Variants in TBC1D8B observed in about 807,000 individuals in gnomAD.
TBC1D8B encodes the protein TBC1 domain family member 8B.
In TBC1D8B, 75 loss-of-function variants were observed where a neutral mutation model predicts 82.9. That is an observed-to-expected ratio of 0.90 (90% CI 0.75 to 1.10). The LOEUF (loss-of-function observed/expected upper bound fraction) is 1.10, where lower values mean the gene tolerates loss of function less well. Ranked by LOEUF, TBC1D8B falls within the 50% of genes least tolerant of loss-of-function variation. TBC1D8B has a pLI of 0.00. For synonymous variants in TBC1D8B, 276 were observed against 276.8 expected, an observed-to-expected ratio of 1.00 and a Z score of 0.03; for missense variants, 794 against 796.9, an observed-to-expected ratio of 1.00 and a Z score of 0.04.
intron 14 of TBC1D8B, among the ~76,000 whole-genome samples, chrX:106,862,456 T>A (rs1226548123): frequency 8.9e-6 from 1 of 111,919 alleles, no homozygotes; most frequent in Non-Finnish European, 1.9e-5. Flanking sequence ...TCAGTTTGAT[T>A]CTTTCTTAAA....
chrX:106,814,320 G>T (rs1370576608), intron 1 of TBC1D8B: 1 of 105,038 alleles, frequency 9.5e-6, no homozygotes, highest in Non-Finnish European at 1.9e-5. Context: ...ATAAACATAC[G>T]TGTGCATGTG....
At chrX:106,851,414 CT>C (rs1012346086) in intron 12 of TBC1D8B, among the ~76,000 whole-genome samples, 6 of 111,690 alleles carry the variant, frequency 5.4e-5, no homozygotes, top group African/African-American at 2.0e-4. Flanking sequence ...AGTTCCACTT[CT>C]TTTTTTGTTA....
intron 1 of TBC1D8B, chrX:106,818,308 C>T (rs951038405): frequency 1.7e-5 from 2 of 120,042 alleles, no homozygotes; most frequent in African/African-American, 6.4e-5. Context: ...ACACAAGCGA[C>T]AGAGCCAGAA....
intron 9 of TBC1D8B, 70 bp from the exon 10 acceptor site, chrX:106,840,600 T>C (rs1932280754): frequency 3.1e-6 from 3 of 953,394 alleles, no homozygotes; most frequent in African/African-American, 3.8e-5. Flanking sequence ...AATCCAATTA[T>C]TTATGTATAT....
chrX:106,856,744 A>G (rs1052217583), intron 14 of TBC1D8B, among the ~76,000 whole-genome samples: 4 of 111,694 alleles, frequency 3.6e-5, no homozygotes, highest in Non-Finnish European at 7.5e-5. Context: ...ATTCATTTTA[A>G]CAGTCTGTCT....
chrX:106,869,991 G>C (rs1329828818), intron 19 of TBC1D8B, among the ~76,000 whole-genome samples: 1 of 112,182 alleles, frequency 8.9e-6, no homozygotes, highest in African/African-American at 3.2e-5. Context: ...GAATGAATAA[G>C]TAGTGTTTCA....
rs780337633 is a variant in TBC1D8B, at chrX:106,823,400, G to T, written c.761G>T (p.Arg254Ile). The change falls in exon 5 of 21, where the codon AGA (arginine) becomes ATA (isoleucine). Residue 254 changes from arginine to isoleucine, a missense_variant. Physicochemically the swap from Arg to Ile is moderately conservative, Grantham distance 97. Coordinates refer to ENST00000357242, the MANE Select transcript of TBC1D8B (RefSeq NM_017752.3). ...MEQLANYAIR[R>I]LFDKETFDND... Reference sequence around the variant, plus strand: ...CAGCTGGCAAACTATGCCATTAGAAGACTTTTTGATAAGGAAACATTTGAT... The same window carrying T: ...CAGCTGGCAAACTATGCCATTAGAATACTTTTTGATAAGGAAACATTTGAT... The T allele has an allele frequency of 8.3e-7, 1 of 1,208,454 alleles. No homozygotes were observed. The highest frequency in any genetic ancestry group is 1.7e-5 in the African/African-American group (1 of 57,155).
rs1039398977 is a variant in TBC1D8B at position 106,850,313 on chromosome X, A to G, written c.2123+3A>G. On this transcript the variant is annotated splice_donor_region_variant and intron_variant, in intron 12 of 20. Coordinates refer to ENST00000357242, the MANE Select transcript of TBC1D8B (RefSeq NM_017752.3). ...GAAGCTGTGACAGCCTTAAACAGGT[A>G]TTGTAAGAACCATAACATTTAAATC... is the stretch of plus-strand genomic sequence containing the variant. 3 of 1,181,806 alleles carry G rather than the reference A, an allele frequency of 2.5e-6. No individual in the cohort carries two copies. Among genetic ancestry groups the G allele is most frequent in the Middle Eastern group, 2.4e-4 (1 of 4,245 alleles).
At position 106,866,799 on chromosome X, in the gene TBC1D8B, A is replaced by G. The variant is rs138093907; in HGVS notation, c.2665A>G (p.Ile889Val). 6.9e-6 allele frequency: 8 copies of G among 1,156,465 alleles called. No homozygotes were observed. The highest frequency in any genetic ancestry group is 9.3e-6 in the Non-Finnish European group (8 of 858,882). The change falls in exon 17 of 21, where the codon ATA becomes GTA. Residue 889 changes from isoleucine to valine, a missense_variant and splice_region_variant. By Grantham distance (29) the Ile-to-Val change is conservative. Transcript: ENST00000357242. The stretch of plus-strand genomic sequence containing the variant: ...TACAATTGAATTTTATTGAACAGAC[A>G]TAATGTACAATGGAAGTTTTACTGA... ...NFKEFSSAIDIMYNGSFTEKL... is the reference protein window; with the variant it reads ...NFKEFSSAIDVMYNGSFTEKL...
intron 5 of TBC1D8B, 61 bp downstream of exon 5, chrX:106,823,527 A>AT: frequency 9.0e-7 from 1 of 1,117,246 alleles, no homozygotes; most frequent in Non-Finnish European, 1.2e-6. Flanking sequence ...TGAAGATAGT[A>AT]TTGCTTACCA....
intron 7 of TBC1D8B, among the ~76,000 whole-genome samples, chrX:106,832,222 A>G (rs1360208823): frequency 2.7e-5 from 3 of 111,618 alleles, no homozygotes; most frequent in Non-Finnish European, 5.7e-5. Flanking sequence ...TGTCAAAGAC[A>G]TTATACAAAG....
rs745819808 is a variant in TBC1D8B, at chrX:106,863,577, C to T, written c.2353-1982C>T. Among the ~76,000 whole-genome samples, 6 of 111,574 alleles carry T rather than the reference C, an allele frequency of 5.4e-5. No homozygotes were observed. In the East Asian group the frequency reaches 1.1e-3, roughly 21 times the overall value. On this transcript the variant is annotated intron_variant, in intron 14 of 20. Transcript: ENST00000357242. ...GGGCACCACCTAAGTCAGAAAGTCCCGCCCAACTGGGAGCTGCGGGAGTGA... is the reference window on the plus strand; with the variant it reads ...GGGCACCACCTAAGTCAGAAAGTCCTGCCCAACTGGGAGCTGCGGGAGTGA...
At chrX:106,811,454 G>A (rs995028600) in intron 1 of TBC1D8B, among the ~76,000 whole-genome samples, 1 of 111,602 alleles carries the variant, frequency 9.0e-6, no homozygotes, top group Non-Finnish European at 1.9e-5. Flanking sequence ...GTTTGAGCCA[G>A]GGATGTGGAG....
chrX:106,809,407 G>T (rs1462749263), intron 1 of TBC1D8B, among the ~76,000 whole-genome samples: 1 of 111,524 alleles, frequency 9.0e-6, no homozygotes, highest in African/African-American at 3.3e-5. Flanking sequence ...GTCTGGGAAG[G>T]CCTCTTAGGA....
intron 6 of TBC1D8B, 141 bp from the exon 7 acceptor site, chrX:106,827,029 T>C: frequency 1.7e-6 from 1 of 596,436 alleles, no homozygotes; most frequent in Non-Finnish European, 2.7e-6. Context: ...TTGGTGCAAC[T>C]AGTACCCAAA....
At chrX:106,830,744 A>G (rs1292063083) in intron 7 of TBC1D8B, among the ~76,000 whole-genome samples, 1 of 93,625 alleles carries the variant, frequency 1.1e-5, no homozygotes, top group African/African-American at 4.0e-5. Context: ...GAATTGAACT[A>G]TGAGAACACA....
chrX:106,868,121 GA>G (rs1282487780), intron 17 of TBC1D8B, among the ~76,000 whole-genome samples: 1 of 108,300 alleles, frequency 9.2e-6, no homozygotes, highest in African/African-American at 3.4e-5. Flanking sequence ...ATAGCTCTTG[GA>G]AAACCATTAA....
intron 14 of TBC1D8B, among the ~76,000 whole-genome samples, chrX:106,863,173 G>C (rs1932791171): frequency 8.9e-6 from 1 of 112,145 alleles, no homozygotes; most frequent in Admixed American, 9.4e-5. Context: ...CTTTACCTTA[G>C]TTTTCACAGG....
chrX:106,843,635 G>A (rs1932367960), intron 10 of TBC1D8B, among the ~76,000 whole-genome samples: 1 of 110,896 alleles, frequency 9.0e-6, no homozygotes, highest in Non-Finnish European at 1.9e-5. Flanking sequence ...GGAAGTGTGA[G>A]TTCTTTAACT....
Sources: gnomAD v4.1 joint callset for allele counts (sites outside exome capture counted in the v4.1 genomes callset) on GRCh38, gnomAD v4.1.1 for gene constraint, MANE v1.5 for transcripts, NCBI Gene and HGNC (gene_info 2026-07-23, HGNC 2026-07-21) for gene names.